The following RNF128 variants were observed in gnomAD, a reference collection of about 807,000 sequenced individuals.
The protein encoded by RNF128 is E3 ubiquitin-protein ligase RNF128.
In RNF128, 13 loss-of-function variants were observed where a neutral mutation model predicts 26.2. The ratio of observed to expected loss-of-function variants is 0.50; its 90% confidence interval spans 0.32 to 0.79. The LOEUF is 0.79. RNF128 is among the 30% of genes least tolerant of loss of function. The pLI is 0.03. For synonymous variants in RNF128, 149 were observed against 142.5 expected (o/e 1.05, Z -0.32); for missense variants, 315 against 349.7 (o/e 0.90, Z 0.79).
In RNF128 at chrX:106,795,984, C is replaced by T. The variant is rs1007097913; in HGVS notation, c.*271C>T. On this transcript the variant is annotated 3_prime_UTR_variant, in exon 7 of 7. Transcript: ENST00000255499. ...ATTCAAAACTGTCTTCAAGAAGTCA[C>T]GTTTTTCATTTATAACAATTTTCTT... The T allele has an allele frequency of 3.7e-5, 6 of 163,936 alleles. No homozygotes were observed. The highest frequency in any genetic ancestry group is 6.1e-5 in the African/African-American group (2 of 32,810). The allele number at this position is 163,936 out of a possible 1,213,427, so 13.5% of individuals were successfully genotyped here. A position where few individuals can be genotyped will look rare whatever the true frequency, so the allele number is the denominator to read the frequency against.
intron 1 of RNF128, among the ~76,000 whole-genome samples, chrX:106,702,833 T>C: frequency 8.9e-6 from 1 of 111,737 alleles, no homozygotes; most frequent in Non-Finnish European, 1.9e-5. Flanking sequence ...CAGGAGATGA[T>C]GTTTCAGAGT....
At chrX:106,768,696 T>G (rs772061591) in intron 1 of RNF128, among the ~76,000 whole-genome samples, 1 of 111,799 alleles carries the variant, frequency 8.9e-6, no homozygotes, top group African/African-American at 3.3e-5. Context: ...TTTGAAGGGT[T>G]TTTTGTGTCT....
chrX:106,785,114 G>A lies in RNF128; in HGVS notation c.782G>A (p.Arg261His), dbSNP rs143543873. 44 of 1,182,184 alleles carry A rather than the reference G, an allele frequency of 3.7e-5. No individual in the cohort carries two copies. The African/African-American group carries it at 6.9e-4, about 18-fold the overall frequency. Residue 261 changes from arginine to histidine, a missense_variant, in exon 3 of 7, where the codon CGC becomes CAC. Physicochemically the swap from Arg to His is conservative, Grantham distance 29. Coordinates refer to ENST00000255499, the MANE Select transcript of RNF128 (RefSeq NM_194463.2). ...AKKAIGRLQL[R>H]TLKQGDKEIG... Reference sequence around the variant, plus strand: ...AAAGCTATTGGAAGGCTTCAACTACGCACACTGAAACAAGGAGACAAGGTA... The same window carrying A: ...AAAGCTATTGGAAGGCTTCAACTACACACACTGAAACAAGGAGACAAGGTA...
chrX:106,787,242 T>G (rs1466167988), intron 3 of RNF128, among the ~76,000 whole-genome samples: 1 of 111,817 alleles, frequency 8.9e-6, no homozygotes, highest in East Asian at 2.8e-4. Context: ...ATACATATCA[T>G]GGTATACTAT....
intron 1 of RNF128, among the ~76,000 whole-genome samples, chrX:106,694,741 T>A (rs1257853424): frequency 9.0e-6 from 1 of 111,599 alleles, no homozygotes; most frequent in East Asian, 2.8e-4. Context: ...ATTATTAATT[T>A]GCACTTCTCA....
At chrX:106,722,579 A>T (rs1282484125), upstream of RNF128, among the ~76,000 whole-genome samples, 1 of 111,876 alleles carries the variant, frequency 8.9e-6, no homozygotes, top group Non-Finnish European at 1.9e-5. Flanking sequence ...ATAGAGTGGA[A>T]GTACTTTGTT....
In RNF128 at chrX:106,727,101, G is replaced by T; in HGVS notation, c.188G>T (p.Trp63Leu). The T allele has an allele frequency of 8.3e-7, 1 of 1,206,516 alleles. No individual in the cohort carries two copies. The highest frequency in any genetic ancestry group is 1.1e-6 in the Non-Finnish European group (1 of 893,271). The change falls in exon 1 of 7, where the codon TGG becomes TTG. Residue 63 changes from tryptophan to leucine, a missense_variant. Trp to Leu is a moderately conservative substitution (Grantham distance 61). Coordinates refer to ENST00000255499, the MANE Select transcript of RNF128 (RefSeq NM_194463.2). ...VPHTGVNRTV[W>L]ELSEEGVYGQ... is the part of the protein sequence containing the mutation. Reference sequence around the variant, plus strand: ...CACACGGGAGTGAACCGTACGGTGTGGGAGCTGAGCGAGGAGGGCGTGTAC... The same window carrying T: ...CACACGGGAGTGAACCGTACGGTGTTGGAGCTGAGCGAGGAGGGCGTGTAC...
chrX:106,791,419 G>C (rs1400673165), intron 6 of RNF128, among the ~76,000 whole-genome samples, 185 bp downstream of exon 6: 1 of 111,341 alleles, frequency 9.0e-6, no homozygotes, highest in Non-Finnish European at 1.9e-5. Context: ...AAATGTATTT[G>C]AAATAGATGA....
chrX:106,753,898 A>T (rs942288607), intron 1 of RNF128, among the ~76,000 whole-genome samples: 3 of 112,429 alleles, frequency 2.7e-5, no homozygotes, highest in Non-Finnish European at 5.6e-5. Flanking sequence ...CAGCAAGAAG[A>T]TAGAACAAGT....
At chrX:106,696,824 G>A (rs1051711061) in intron 1 of RNF128, among the ~76,000 whole-genome samples, 3 of 111,703 alleles carry the variant, frequency 2.7e-5, no homozygotes, top group African/African-American at 9.8e-5. Flanking sequence ...AGTTTAAAAA[G>A]GTAGATTTAT....
chrX:106,754,410 CTTTTTTTTTTTTTTTTTT>C (rs150895665), intron 1 of RNF128, among the ~76,000 whole-genome samples: 1 of 35,746 alleles, frequency 2.8e-5, no homozygotes, highest in African/African-American at 1.3e-4. Flanking sequence ...TTTTCTTTCT[CTTTTTTTTTTTTTTTTTT>C]TTTTTTTTTT....
intron 1 of RNF128, among the ~76,000 whole-genome samples, chrX:106,732,680 C>T (rs921732477): frequency 6.3e-5 from 7 of 111,824 alleles, no homozygotes; most frequent in African/African-American, 2.3e-4. Flanking sequence ...TGTACACATA[C>T]TTCAAGATTG....
At chrX:106,765,745 C>T (rs898183264) in intron 1 of RNF128, among the ~76,000 whole-genome samples, 7 of 110,960 alleles carry the variant, frequency 6.3e-5, no homozygotes, top group Non-Finnish European at 9.4e-5. Context: ...ACTTTAAGTT[C>T]TAGGCTACAT....
chrX:106,788,229 T>C (rs1473225418), intron 4 of RNF128, among the ~76,000 whole-genome samples: 1 of 85,261 alleles, frequency 1.2e-5, no homozygotes, highest in East Asian at 3.4e-4. Context: ...TCTAAACTAA[T>C]TCCATAGAAA....
At chrX:106,699,655 T>G (rs1466764068) in intron 1 of RNF128, among the ~76,000 whole-genome samples, 1 of 112,225 alleles carries the variant, frequency 8.9e-6, no homozygotes, top group Non-Finnish European at 1.9e-5. Context: ...CTTTCCATTG[T>G]TCTTCAAATA....
In RNF128 at chrX:106,729,442, C is replaced by CTGGGTATA. The variant is rs755165874; in HGVS notation, c.484+2045_484+2046insTGGGTATA. Among the ~76,000 whole-genome samples, 548 of 110,668 alleles carry CTGGGTATA rather than the reference C, an allele frequency of 5.0e-3. 2 individuals are homozygous for CTGGGTATA. The highest frequency in any genetic ancestry group is 7.9e-3 in the Non-Finnish European group (418 of 52,839). ...TATATACTACCCAGCTGATAATAGT[C>CTGGGTATA]ACTGAATGTTATAATAGGTTAATGC... On this transcript the variant is annotated intron_variant, in intron 1 of 6. Coordinates refer to ENST00000255499, the MANE Select transcript of RNF128 (RefSeq NM_194463.2).
intron 1 of RNF128, among the ~76,000 whole-genome samples, chrX:106,770,820 A>G (rs1414422555): frequency 2.7e-5 from 3 of 111,771 alleles, no homozygotes. Context: ...CCTTTGGAGG[A>G]GAAGAGGCGC....
chrX:106,747,960 C>T (rs770465829), intron 1 of RNF128, among the ~76,000 whole-genome samples: 1 of 111,905 alleles, frequency 8.9e-6, no homozygotes, highest in Admixed American at 9.5e-5. Context: ...TAGCATAGTG[C>T]CAGGCATGTG....
At chrX:106,791,693 G>A (rs1252038614) in intron 6 of RNF128, among the ~76,000 whole-genome samples, 1 of 111,146 alleles carries the variant, frequency 9.0e-6, no homozygotes, top group African/African-American at 3.3e-5. Flanking sequence ...TTTAAGAATG[G>A]TATGTGCTGC....
Sources: gnomAD v4.1 joint callset for allele counts (sites outside exome capture counted in the v4.1 genomes callset) on GRCh38, gnomAD v4.1.1 for gene constraint, MANE v1.5 for transcripts, NCBI Gene and HGNC (gene_info 2026-07-23, HGNC 2026-07-21) for gene names.